MAP7D3: variants seen among roughly 807,000 people sequenced by gnomAD.
MAP7D3 encodes the protein MAP7 domain-containing protein 3.
In MAP7D3, 45 loss-of-function variants were observed where a neutral mutation model predicts 62.2. That is an observed-to-expected ratio of 0.72 (90% CI 0.57 to 0.93). MAP7D3 has a LOEUF of 0.93. Ranked by LOEUF, MAP7D3 falls within the 40% of genes least tolerant of loss-of-function variation. The pLI, the probability that MAP7D3 is intolerant of heterozygous loss-of-function variation, is 0.00. For missense variants in MAP7D3, 711 were observed against 683.1 expected, an observed-to-expected ratio of 1.04 and a Z score of -0.45; for synonymous variants, 288 against 248.8, an observed-to-expected ratio of 1.16 and a Z score of -1.48.
intron 12 of MAP7D3, 22 bp from the exon 13 acceptor site, chrX:136,226,035 A>G (rs367640789): frequency 1.0e-5 from 11 of 1,050,616 alleles, no homozygotes; most frequent in Non-Finnish European, 1.4e-5. Flanking sequence ...GCATAAAAAT[A>G]TCATTCAATC....
intron 6 of MAP7D3, among the ~76,000 whole-genome samples, chrX:136,237,125 C>T (rs1247829294): frequency 3.5e-5 from 4 of 112,713 alleles, no homozygotes; most frequent in Non-Finnish European, 7.5e-5. Flanking sequence ...GAGATACCCT[C>T]GCTCAGAATA....
At chrX:136,239,112 C>T (rs1242862006) in intron 6 of MAP7D3, among the ~76,000 whole-genome samples, 2 of 111,748 alleles carry the variant, frequency 1.8e-5, no homozygotes, top group Non-Finnish European at 3.8e-5. Flanking sequence ...AAGAACATTC[C>T]TTTTTTTCCT....
At chrX:136,230,674 A>G (rs922196433) in intron 9 of MAP7D3, 81 bp from the exon 10 acceptor site, 2 of 886,945 alleles carry the variant, frequency 2.3e-6, no homozygotes, top group Admixed American at 3.0e-5. Context: ...ATGAGATGAC[A>G]TTATAATCAG....
Position 136,241,188 on chromosome X carries a change from A to G in MAP7D3, c.507T>C (p.Ser169=). 8.4e-7 allele frequency: 1 copy of G among 1,183,595 alleles called. No individual in the cohort carries two copies. Among genetic ancestry groups the G allele is most frequent in the Non-Finnish European group, 1.1e-6 (1 of 873,175 alleles). Residue 169 remains serine (S), a synonymous_variant, in exon 5 of 19, where the codon TCT becomes TCC. Coordinates refer to ENST00000316077, the MANE Select transcript of MAP7D3 (RefSeq NM_024597.4). ...TTTTGCTCTCAGAATTCGCCATTGC[A>G]GAGCCTCCCCATGACCATCTTTTTT... The part of the protein sequence containing the change: ...YQQKRWSWGG[S]AMANSESKTA...
chrX:136,240,849 T>C (rs904251212), intron 5 of MAP7D3, among the ~76,000 whole-genome samples: 3 of 112,419 alleles, frequency 2.7e-5, no homozygotes, highest in Non-Finnish European at 5.6e-5. Flanking sequence ...AAATCAATAG[T>C]AGACAAGGCA....
intron 15 of MAP7D3, 117 bp from the exon 16 acceptor site, chrX:136,221,080 A>G: frequency 1.8e-6 from 1 of 550,138 alleles, no homozygotes; most frequent in South Asian, 2.8e-5. Context: ...AGGCAGGAAG[A>G]GTCAAGCAGC....
chrX:136,244,685 GTTC>G lies in MAP7D3; in HGVS notation c.361_363del (p.Glu121del), dbSNP rs1237816839. On this transcript the variant is annotated inframe_deletion, in exon 4 of 19. Transcript: ENST00000316077. ...TTTTCTTCTGCAGCTATTCTCCGTTGTTCTTCTTTCTCTTTTCGCTCCTTCAGC... is the reference window on the plus strand; with the variant it reads ...TTTTCTTCTGCAGCTATTCTCCGTTGTTCTTTCTCTTTTCGCTCCTTCAGC... 3.3e-6 allele frequency: 4 copies of G among 1,208,253 alleles called. No individual in the cohort carries two copies. The highest frequency in any genetic ancestry group is 1.7e-5 in the African/African-American group (1 of 57,155).
chrX:136,228,577 GC>G, intron 11 of MAP7D3, 45 bp downstream of exon 11: 2 of 1,125,357 alleles, frequency 1.8e-6, no homozygotes, highest in Non-Finnish European at 2.4e-6. Flanking sequence ...AAAAATTTGG[GC>G]CCCACTCAAG....
At position 136,230,294 on chromosome X, in the gene MAP7D3, T is replaced by A. The variant is rs761161434; in HGVS notation, c.1750+91A>T. On this transcript the variant is annotated intron_variant, in intron 10 of 18. Coordinates refer to ENST00000316077, the MANE Select transcript of MAP7D3 (RefSeq NM_024597.4). ...AGGAAAATAATTCCCTAAAGTTCTC[T>A]CAATTGGGGAATAAAATGAAGTGAA... 5.7e-5 allele frequency: 30 copies of A among 522,562 alleles called. 1 individual carries two copies. The East Asian group carries it at 9.5e-4, about 16-fold the overall frequency. The allele number at this position is 522,562 out of a possible 1,213,427, so 43.1% of individuals were successfully genotyped here. A position where few individuals can be genotyped will look rare whatever the true frequency, so the allele number is the denominator to read the frequency against.
chrX:136,234,120 T>TA (rs766586340), intron 7 of MAP7D3, among the ~76,000 whole-genome samples: 1 of 106,560 alleles, frequency 9.4e-6, no homozygotes, highest in East Asian at 2.9e-4. Context: ...ACTAATCATA[T>TA]AAATACTAAC....
At chrX:136,219,728 T>A in intron 16 of MAP7D3, 57 bp from the exon 17 acceptor site, 2 of 894,605 alleles carry the variant, frequency 2.2e-6, no homozygotes, top group Non-Finnish European at 3.3e-6. Flanking sequence ...GGCTCTGGCC[T>A]AAAAGAAGCT....
At chrX:136,219,020 T>C (rs1398992524) in intron 18 of MAP7D3, among the ~76,000 whole-genome samples, 1 of 111,546 alleles carries the variant, frequency 9.0e-6, no homozygotes, top group Non-Finnish European at 1.9e-5. Flanking sequence ...CCGGCTAATT[T>C]TTGTATTTTT....
chrX:136,214,629 C>T (rs1013735199), downstream of MAP7D3: 1 of 111,998 alleles, frequency 8.9e-6, no homozygotes, highest in Non-Finnish European at 1.9e-5. Context: ...TAGCAGCCCT[C>T]TCAGCTGGGT....
At chrX:136,238,518 T>C (rs1394482727) in intron 6 of MAP7D3, among the ~76,000 whole-genome samples, 1 of 112,072 alleles carries the variant, frequency 8.9e-6, no homozygotes, top group Non-Finnish European at 1.9e-5. Flanking sequence ...TGGTGAATAA[T>C]AAATTAATTT....
upstream of MAP7D3, among the ~76,000 whole-genome samples, chrX:136,255,757 C>T (rs764727267): frequency 2.7e-4 from 30 of 111,233 alleles, no homozygotes; most frequent in African/African-American, 8.8e-4. Flanking sequence ...CCTCTCCTCC[C>T]CGTATTTGGA....
At chrX:136,253,261 C>T (rs2074532826), upstream of MAP7D3, among the ~76,000 whole-genome samples, 1 of 112,196 alleles carries the variant, frequency 8.9e-6, no homozygotes, top group Admixed American at 9.4e-5. Context: ...CCACAAAACA[C>T]ACACACATAC....
intron 1 of MAP7D3, among the ~76,000 whole-genome samples, chrX:136,248,343 G>A (rs2074471406): frequency 9.0e-6 from 1 of 111,516 alleles, no homozygotes; most frequent in Admixed American, 9.5e-5. Context: ...AATTCCTACT[G>A]GTAAGAAATA....
intron 1 of MAP7D3, 68 bp downstream of exon 1, chrX:136,251,221 C>T (rs2074505189): frequency 1.1e-6 from 1 of 951,367 alleles, no homozygotes; most frequent in East Asian, 4.0e-5. Context: ...TCCGACGGCC[C>T]GGGGACTGCG....
chrX:136,227,413 T>C lies in MAP7D3; in HGVS notation c.1905A>G (p.Lys635=). ...EMQQRVIKKS[K]DMAKEAVGGQ... ...CTCCAACTGCTTCCTTTGCCATGTC[T>C]TTTGATTTCTTAATGACCCTGAGAG... Residue 635 remains lysine (K), a synonymous_variant, in exon 12 of 19, where the codon AAA becomes AAG. Coordinates refer to ENST00000316077, the MANE Select transcript of MAP7D3 (RefSeq NM_024597.4). The C allele has an allele frequency of 3.4e-6, 4 of 1,193,112 alleles. No homozygotes were observed. The highest frequency in any genetic ancestry group is 4.5e-6 in the Non-Finnish European group (4 of 881,145).
Sources: gnomAD v4.1 joint callset for allele counts (sites outside exome capture counted in the v4.1 genomes callset) on GRCh38, gnomAD v4.1.1 for gene constraint, MANE v1.5 for transcripts, NCBI Gene and HGNC (gene_info 2026-07-23, HGNC 2026-07-21) for gene names.